Variants in DLG2 observed in about 807,000 individuals in gnomAD.
DLG2 encodes disks large homolog 2.
Under a neutral mutation model 132.5 loss-of-function variants are expected in DLG2, and 45 were observed. The observed-to-expected ratio is 0.34, with a 90% confidence interval of 0.27 to 0.44. The LOEUF (loss-of-function observed/expected upper bound fraction) is 0.44, where lower values mean the gene tolerates loss of function less well. Ranked by LOEUF, DLG2 falls within the 20% of genes least tolerant of loss-of-function variation. The pLI is 1.00. For synonymous variants in DLG2, 424 were observed against 419.6 expected, an observed-to-expected ratio of 1.01 and a Z score of -0.13; for missense variants, 1,045 against 1,196.9, an observed-to-expected ratio of 0.87 and a Z score of 1.87.
chr11:84,929,050 G>A (rs2047794297), intron 6 of DLG2, among the ~76,000 whole-genome samples: 1 of 133,596 alleles, frequency 7.5e-6, no homozygotes, highest in Non-Finnish European at 1.6e-5. Context: ...AGGGGTAGGG[G>A]TATTCTTGCC....
chr11:84,829,602 T>A (rs2078764936), intron 6 of DLG2, among the ~76,000 whole-genome samples: 1 of 151,762 alleles, frequency 6.6e-6, no homozygotes, highest in Admixed American at 6.6e-5. Context: ...TTTAGCTCCT[T>A]AAGCCTAGGT....
intron 6 of DLG2, among the ~76,000 whole-genome samples, chr11:84,714,529 C>T (rs1314083818): frequency 9.6e-6 from 1 of 104,644 alleles, no homozygotes. Flanking sequence ...CCCATTTCCT[C>T]TTTCTCTTTC....
intron 15 of DLG2, among the ~76,000 whole-genome samples, chr11:83,882,211 C>A (rs2154076068): frequency 6.6e-6 from 1 of 152,110 alleles, no homozygotes; most frequent in South Asian, 2.1e-4. Flanking sequence ...GAAATAACAC[C>A]ATCAAAACTG....
chr11:84,678,669 C>A (rs1353754214), intron 6 of DLG2, among the ~76,000 whole-genome samples: 4 of 152,042 alleles, frequency 2.6e-5, no homozygotes, highest in Admixed American at 2.6e-4. Flanking sequence ...CTTCTATCAA[C>A]ATCATCGCTC....
chr11:83,816,163 G>A (rs1313909858), intron 17 of DLG2, among the ~76,000 whole-genome samples: 2 of 152,128 alleles, frequency 1.3e-5, no homozygotes, highest in African/African-American at 4.8e-5. Flanking sequence ...AGCTTAGATA[G>A]AGTCTAACCA....
intron 2 of DLG2, among the ~76,000 whole-genome samples, chr11:85,623,256 A>G (rs750115199): frequency 5.3e-5 from 8 of 152,258 alleles, no homozygotes; most frequent in South Asian, 4.2e-4. Flanking sequence ...TAAATAAATA[A>G]TTTCAGACAA....
At chr11:84,598,225 A>G (rs978037217) in intron 6 of DLG2, among the ~76,000 whole-genome samples, 2 of 152,218 alleles carry the variant, frequency 1.3e-5, no homozygotes, top group South Asian at 2.1e-4. Flanking sequence ...CCCTTTGCTC[A>G]GAAACCACCA....
intron 4 of DLG2, among the ~76,000 whole-genome samples, chr11:85,247,307 T>C (rs2076182412): frequency 6.6e-6 from 1 of 152,070 alleles, no homozygotes; most frequent in Non-Finnish European, 1.5e-5. Context: ...GCTGCTGCAT[T>C]TGCCTACCTC....
At chr11:85,022,374 A>G (rs1182048539) in intron 6 of DLG2, among the ~76,000 whole-genome samples, 1 of 152,160 alleles carries the variant, frequency 6.6e-6, no homozygotes, top group Non-Finnish European at 1.5e-5. Flanking sequence ...AATGAAGACA[A>G]AAATAATATA....
chr11:84,758,095 C>T (rs1020767316), intron 6 of DLG2, among the ~76,000 whole-genome samples: 1 of 152,192 alleles, frequency 6.6e-6, no homozygotes, highest in East Asian at 1.9e-4. Flanking sequence ...CCTCCAGCTA[C>T]AGGAACTTAC....
In DLG2 at chr11:84,958,147, G is replaced by A. The variant is rs545730026; in HGVS notation, c.357+153514C>T. On this transcript the variant is annotated intron_variant, in intron 6 of 27. Transcript: ENST00000376104. ...ATATGTTAGTAGTTATTAATATTAG[G>A]ACTGTTCTTTGGAAAGATTGTGCAT... is the stretch of plus-strand genomic sequence containing the variant. 9.2e-5 allele frequency among the ~76,000 whole-genome samples: 14 copies of A among 152,180 alleles called. No homozygotes were observed. The South Asian group carries it at 2.7e-3, about 29-fold the overall frequency.
At chr11:85,136,677 A>G (rs1252092091) in intron 5 of DLG2, among the ~76,000 whole-genome samples, 1 of 152,224 alleles carries the variant, frequency 6.6e-6, no homozygotes, top group African/African-American at 2.4e-5. Context: ...CTTGTAAATT[A>G]CTTGCACTAA....
intron 3 of DLG2, among the ~76,000 whole-genome samples, chr11:85,576,908 A>G (rs1395533358): frequency 6.6e-6 from 1 of 152,184 alleles, no homozygotes; most frequent in Non-Finnish European, 1.5e-5. Context: ...AGACACATAA[A>G]CTAGTAAGAA....
At chr11:84,536,268 A>T (rs1409229971) in intron 6 of DLG2, among the ~76,000 whole-genome samples, 2 of 152,296 alleles carry the variant, frequency 1.3e-5, no homozygotes, top group East Asian at 3.9e-4. Flanking sequence ...GGTACTTGTC[A>T]AGAGTCACCT....
chr11:84,377,950 C>T (rs1015182831), intron 7 of DLG2, among the ~76,000 whole-genome samples: 2 of 152,146 alleles, frequency 1.3e-5, no homozygotes, highest in Admixed American at 1.3e-4. Context: ...AGGGCTCACA[C>T]AAGTTGAAGA....
intron 12 of DLG2, among the ~76,000 whole-genome samples, chr11:83,967,747 C>T (rs2090520675): frequency 1.3e-5 from 2 of 151,804 alleles, no homozygotes; most frequent in South Asian, 4.1e-4. Flanking sequence ...TTTATTTTTC[C>T]TTTTGTAGCC....
chr11:83,638,712 C>T (rs2065524108), intron 18 of DLG2, among the ~76,000 whole-genome samples: 1 of 152,184 alleles, frequency 6.6e-6, no homozygotes, highest in African/African-American at 2.4e-5. Context: ...CACTTGCCAT[C>T]AGGTGGAACT....
chr11:84,988,592 A>G (rs995143019), intron 6 of DLG2, among the ~76,000 whole-genome samples: 2 of 152,154 alleles, frequency 1.3e-5, no homozygotes, highest in Admixed American at 1.3e-4. Flanking sequence ...GAGATTGGAG[A>G]CTATTTTTCT....
At chr11:84,375,996 G>T (rs1236883771) in intron 7 of DLG2, among the ~76,000 whole-genome samples, 1 of 151,738 alleles carries the variant, frequency 6.6e-6, no homozygotes, top group Non-Finnish European at 1.5e-5. Flanking sequence ...TAAGCTTATT[G>T]TACTATGTTG....
Sources: gnomAD v4.1 joint callset for allele counts (sites outside exome capture counted in the v4.1 genomes callset) on GRCh38, gnomAD v4.1.1 for gene constraint, MANE v1.5 for transcripts, NCBI Gene and HGNC (gene_info 2026-07-23, HGNC 2026-07-21) for gene names.